TAF4B: variants seen among roughly 807,000 people sequenced by gnomAD.
TAF4B encodes transcription initiation factor TFIID subunit 4B.
In TAF4B, 38 loss-of-function variants were observed where a neutral mutation model predicts 86.4. The ratio of observed to expected loss-of-function variants is 0.44; its 90% CI spans 0.34 to 0.58. The LOEUF (loss-of-function observed/expected upper bound fraction) is 0.58, where lower values mean the gene tolerates loss of function less well. Among genes scored for constraint, TAF4B ranks in the 20% least tolerant of loss-of-function variants. The probability of loss-of-function intolerance (pLI) is 0.02; values close to 1 mark genes in which losing one functional copy is unlikely to be tolerated. For missense variants in TAF4B, 988 were observed against 1,027.6 expected, an observed-to-expected ratio of 0.96 and a Z score of 0.53; for synonymous variants, 388 against 391.2, an observed-to-expected ratio of 0.99 and a Z score of 0.10.
chr18:26,386,474 A>T (rs1182156109), intron 14 of TAF4B, among the ~76,000 whole-genome samples: 1 of 152,140 alleles, frequency 6.6e-6, no homozygotes, highest in East Asian at 1.9e-4. Flanking sequence ...TCATAAGCTC[A>T]CCACAGTTTT....
At chr18:26,243,182 C>A (rs1202623218) in intron 1 of TAF4B, among the ~76,000 whole-genome samples, 1 of 152,156 alleles carries the variant, frequency 6.6e-6, no homozygotes, top group Non-Finnish European at 1.5e-5. Context: ...AGAGTGTTTT[C>A]CAACTTGGTT....
chr18:26,356,487 A>G (rs758525548), intron 13 of TAF4B, among the ~76,000 whole-genome samples: 3 of 152,210 alleles, frequency 2.0e-5, no homozygotes, highest in Non-Finnish European at 2.9e-5. Context: ...CCGTTTCACC[A>G]CAGACTACTT....
chr18:26,345,419 A>G (rs538685057), intron 13 of TAF4B, among the ~76,000 whole-genome samples: 173 of 152,316 alleles, frequency 1.1e-3, no homozygotes, highest in South Asian at 7.0e-3. Flanking sequence ...TCCTCCTGCC[A>G]AGAATAAGAG....
At chr18:26,291,289 C>T (rs1598764844) in intron 7 of TAF4B, among the ~76,000 whole-genome samples, 1 of 152,082 alleles carries the variant, frequency 6.6e-6, no homozygotes, top group East Asian at 1.9e-4. Flanking sequence ...GAGACAGGGT[C>T]TCACTCTGTC....
chr18:26,380,761 G>GC (rs1212380277), intron 14 of TAF4B, among the ~76,000 whole-genome samples: 1 of 151,558 alleles, frequency 6.6e-6, no homozygotes, highest in East Asian at 1.9e-4. Flanking sequence ...TTTGTTTAAA[G>GC]CAGGTCTCTT....
chr18:26,247,807 A>G (rs937513715), intron 1 of TAF4B, among the ~76,000 whole-genome samples: 1 of 152,080 alleles, frequency 6.6e-6, no homozygotes, highest in African/African-American at 2.4e-5. Context: ...ACTTGAGCCC[A>G]GATGTATGCA....
intron 13 of TAF4B, among the ~76,000 whole-genome samples, chr18:26,341,651 T>C (rs2057137380): frequency 6.6e-6 from 1 of 152,124 alleles, no homozygotes; most frequent in Non-Finnish European, 1.5e-5. Flanking sequence ...GAATCTCAGA[T>C]GTTCTGGACA....
intron 6 of TAF4B, among the ~76,000 whole-genome samples, chr18:26,284,643 C>T (rs921487162): frequency 2.6e-5 from 4 of 152,070 alleles, no homozygotes; most frequent in Non-Finnish European, 4.4e-5. Flanking sequence ...TTTGGGAGGC[C>T]GAGGTTGGCG....
intron 14 of TAF4B, among the ~76,000 whole-genome samples, chr18:26,383,460 A>G (rs751354974): frequency 2.6e-5 from 4 of 152,332 alleles, no homozygotes; most frequent in Non-Finnish European, 5.9e-5. Context: ...TGGCTTAGGC[A>G]TTCCTTGAAA....
At chr18:26,366,948 C>T (rs2057375893) in intron 14 of TAF4B, among the ~76,000 whole-genome samples, 2 of 152,078 alleles carry the variant, frequency 1.3e-5, no homozygotes, top group South Asian at 4.1e-4. Flanking sequence ...CTATTGTTTT[C>T]CTCAAATGAA....
intron 8 of TAF4B, among the ~76,000 whole-genome samples, chr18:26,293,214 C>T (rs1391238546): frequency 6.6e-6 from 1 of 151,458 alleles, no homozygotes; most frequent in African/African-American, 2.5e-5. Flanking sequence ...CATAGACTAT[C>T]TAAAAAGAAA....
At chr18:26,354,759 A>G (rs1246895393) in intron 13 of TAF4B, among the ~76,000 whole-genome samples, 1 of 152,156 alleles carries the variant, frequency 6.6e-6, no homozygotes, top group Admixed American at 6.5e-5. Flanking sequence ...CTGTTAACCT[A>G]TGTGTCTGTC....
intron 14 of TAF4B, among the ~76,000 whole-genome samples, chr18:26,365,394 A>G (rs2057365298): frequency 6.6e-6 from 1 of 152,230 alleles, no homozygotes; most frequent in Non-Finnish European, 1.5e-5. Flanking sequence ...TGAAAATCAG[A>G]ATTACATGAA....
At position 26,268,641 on chromosome 18, in the gene TAF4B, A is replaced by G. The variant is rs2056273459; in HGVS notation, c.597+1018A>G. Among the ~76,000 whole-genome samples the G allele has an allele frequency of 2.0e-5, 3 of 152,194 alleles. No homozygotes were observed. In the South Asian group the frequency reaches 6.2e-4, roughly 32 times the overall value. On this transcript the variant is annotated intron_variant, in intron 3 of 14. Coordinates refer to ENST00000269142, the MANE Select transcript of TAF4B (RefSeq NM_005640.3). Reference sequence around the variant, plus strand: ...TAAGTGAATCACCTGAATCATGTGGATTTGCCACACATACTTCTTTTTGCC... The same window carrying G: ...TAAGTGAATCACCTGAATCATGTGGGTTTGCCACACATACTTCTTTTTGCC...
chr18:26,326,691 C>T (rs1489590466), intron 11 of TAF4B, among the ~76,000 whole-genome samples: 3 of 152,132 alleles, frequency 2.0e-5, no homozygotes, highest in Non-Finnish European at 4.4e-5. Flanking sequence ...GAATGGGGCA[C>T]TCTTTAGTTT....
intron 1 of TAF4B, among the ~76,000 whole-genome samples, chr18:26,242,597 ATTG>A: frequency 6.6e-6 from 1 of 152,268 alleles, no homozygotes; most frequent in East Asian, 1.9e-4. Flanking sequence ...TAAGGTTAAT[ATTG>A]TTATGTGTGA....
intron 14 of TAF4B, among the ~76,000 whole-genome samples, chr18:26,369,342 T>C (rs74846813): frequency 0.078 from 11,807 of 152,236 alleles, 567 homozygotes; most frequent in Non-Finnish European, 0.1. Context: ...TAAGGTATAC[T>C]GAAAGAAATA....
At chr18:26,305,450 C>T (rs1423692500) in intron 9 of TAF4B, among the ~76,000 whole-genome samples, 1 of 152,030 alleles carries the variant, frequency 6.6e-6, no homozygotes, top group Non-Finnish European at 1.5e-5. Flanking sequence ...CTCTGTTGCC[C>T]AGGCTGGAGT....
At chr18:26,304,729 T>C (rs1278872059) in intron 9 of TAF4B, 1 of 985,444 alleles carries the variant, frequency 1.0e-6, no homozygotes, top group African/African-American at 1.7e-5. Flanking sequence ...TCCTTTAGGA[T>C]ATGCTTATTG....
Sources: gnomAD v4.1 joint callset for allele counts (sites outside exome capture counted in the v4.1 genomes callset) on GRCh38, gnomAD v4.1.1 for gene constraint, MANE v1.5 for transcripts, NCBI Gene and HGNC (gene_info 2026-07-23, HGNC 2026-07-21) for gene names.